Variants in SLC24A3 observed in about 807,000 individuals in gnomAD.
SLC24A3 encodes solute carrier family 24 member 3, also known as sodium/potassium/calcium exchanger 3.
A neutral mutation model predicts 75.8 loss-of-function variants in SLC24A3; 28 were observed. The observed-to-expected ratio is 0.37, with a 90% CI of 0.27 to 0.51. SLC24A3 has a LOEUF of 0.51. Ranked by LOEUF, SLC24A3 falls within the 20% of genes least tolerant of loss-of-function variation. The pLI, the probability that SLC24A3 is intolerant of heterozygous loss-of-function variation, is 0.94. For missense variants in SLC24A3, 663 were observed against 847.8 expected (o/e 0.78, Z 2.71); for synonymous variants, 372 against 334.1 (o/e 1.11, Z -1.24).
chr20:19,714,419 A>C (rs1185816613), intron 15 of SLC24A3, among the ~76,000 whole-genome samples: 2 of 136,172 alleles, frequency 1.5e-5, no homozygotes, highest in African/African-American at 2.8e-5. Context: ...AAAAAAAAAA[A>C]AAAAAAACAA....
At chr20:19,403,926 A>G (rs1352216920) in intron 2 of SLC24A3, among the ~76,000 whole-genome samples, 1 of 152,232 alleles carries the variant, frequency 6.6e-6, no homozygotes, top group Non-Finnish European at 1.5e-5. Flanking sequence ...TAAAATGGGT[A>G]ACCCTCATGA....
At chr20:19,648,117 A>G (rs1452054879) in intron 6 of SLC24A3, among the ~76,000 whole-genome samples, 1 of 152,182 alleles carries the variant, frequency 6.6e-6, no homozygotes, top group Non-Finnish European at 1.5e-5. Flanking sequence ...GAAGTTTTTT[A>G]AAAGTGTACT....
chr20:19,455,309 G>A (rs759813273), intron 2 of SLC24A3, among the ~76,000 whole-genome samples: 45 of 152,118 alleles, frequency 3.0e-4, no homozygotes, highest in Non-Finnish European at 4.7e-4. Context: ...ATCTTATGAC[G>A]TTTATTTCTT....
chr20:19,551,277 G>T (rs190229161), intron 3 of SLC24A3, among the ~76,000 whole-genome samples: 89 of 152,300 alleles, frequency 5.8e-4, no homozygotes, highest in African/African-American at 2.1e-3. Context: ...AGAATGGAAT[G>T]CATGAATTTG....
intron 2 of SLC24A3, among the ~76,000 whole-genome samples, chr20:19,427,183 G>A (rs1422890214): frequency 6.6e-6 from 1 of 152,238 alleles, no homozygotes; most frequent in South Asian, 2.1e-4. Context: ...TGGAGTTTGG[G>A]AAGCAGATGC....
Position 19,452,196 on chromosome 20 carries a change from G to A in SLC24A3, c.272-63292G>A, listed in dbSNP as rs143525804. 2.6e-4 allele frequency among the ~76,000 whole-genome samples: 39 copies of A among 152,300 alleles called. No individual in the cohort carries two copies. In the East Asian group the frequency reaches 6.0e-3, roughly 23 times the overall value. ...ACATTTGAGAAGCCAAGAGGAAGAC[G>A]TGGTATACTTTTTAAAGAACAGGGC... is the stretch of plus-strand genomic sequence containing the variant. On this transcript the variant is annotated intron_variant, in intron 2 of 16. Transcript: ENST00000328041.
At chr20:19,529,329 G>T (rs985637837) in intron 3 of SLC24A3, among the ~76,000 whole-genome samples, 2 of 152,154 alleles carry the variant, frequency 1.3e-5, no homozygotes, top group Non-Finnish European at 2.9e-5. Context: ...CATTCTCCTT[G>T]CAAACCTGTT....
intron 8 of SLC24A3, among the ~76,000 whole-genome samples, chr20:19,671,983 A>C (rs1228233600): frequency 6.6e-6 from 1 of 152,142 alleles, no homozygotes; most frequent in Admixed American, 6.5e-5. Flanking sequence ...CTCGGCAGTC[A>C]GAAGAGAGGG....
chr20:19,291,382 G>A (rs1354530643), intron 2 of SLC24A3, among the ~76,000 whole-genome samples: 3 of 152,212 alleles, frequency 2.0e-5, no homozygotes, highest in South Asian at 2.1e-4. Context: ...ACACCAGTGA[G>A]TGCGCTTTGG....
At chr20:19,505,230 A>T (rs984384423) in intron 2 of SLC24A3, among the ~76,000 whole-genome samples, 3 of 152,182 alleles carry the variant, frequency 2.0e-5, no homozygotes, top group African/African-American at 4.8e-5. Flanking sequence ...ATGATGTTGG[A>T]TCAACTTCAG....
At chr20:19,548,329 C>T (rs999106963) in intron 3 of SLC24A3, among the ~76,000 whole-genome samples, 1 of 152,074 alleles carries the variant, frequency 6.6e-6, no homozygotes, top group Non-Finnish European at 1.5e-5. Flanking sequence ...AAATAATGGC[C>T]CTGGAAAATC....
intron 2 of SLC24A3, among the ~76,000 whole-genome samples, chr20:19,337,273 C>T (rs1204675119): frequency 1.3e-5 from 2 of 152,014 alleles, no homozygotes; most frequent in East Asian, 1.9e-4. Flanking sequence ...GGAGAAACCT[C>T]GTCTTTACTA....
rs935300890 is a variant in SLC24A3, at chr20:19,527,739, C to A, written c.348+12175C>A. ...TCACAGTTTAAGAGTGACTCAGAGCCCTTTCTGAACATTTGCACAAAGACA... is the reference window on the plus strand; with the variant it reads ...TCACAGTTTAAGAGTGACTCAGAGCACTTTCTGAACATTTGCACAAAGACA... On this transcript the variant is annotated intron_variant, in intron 3 of 16. Coordinates refer to ENST00000328041, the MANE Select transcript of SLC24A3 (RefSeq NM_020689.4). 1.7e-4 allele frequency among the ~76,000 whole-genome samples: 26 copies of A among 152,154 alleles called. 1 individual carries two copies. Among genetic ancestry groups the A allele is most frequent in the Admixed American group, 4.6e-4 (7 of 15,274 alleles).
At chr20:19,307,590 C>A (rs181970325) in intron 2 of SLC24A3, among the ~76,000 whole-genome samples, 1 of 151,746 alleles carries the variant, frequency 6.6e-6, no homozygotes, top group Non-Finnish European at 1.5e-5. Flanking sequence ...CATCACACAC[C>A]GGGGCCTGTT....
At chr20:19,489,618 C>CCAGTATAT (rs1988177150) in intron 2 of SLC24A3, among the ~76,000 whole-genome samples, 1 of 152,138 alleles carries the variant, frequency 6.6e-6, no homozygotes, top group South Asian at 2.1e-4. Context: ...TTGGGACATT[C>CCAGTATAT]CAGTATATGA....
rs1480919470 is a variant in SLC24A3 at position 19,696,567 on chromosome 20, C to T, written c.1492-230C>T. On this transcript the variant is annotated intron_variant, in intron 13 of 16. Transcript: ENST00000328041. Reference sequence around the variant, plus strand: ...ACCGGAAGAGAACAAGTGAAAAGGCCAATGTTTTGTTGGAAAGTTTGGGTC... The same window carrying T: ...ACCGGAAGAGAACAAGTGAAAAGGCTAATGTTTTGTTGGAAAGTTTGGGTC... 3.2e-5 allele frequency: 14 copies of T among 435,110 alleles called. No homozygotes were observed. In the East Asian group the frequency reaches 4.6e-4, roughly 14 times the overall value. The allele number at this position is 435,110 out of a possible 1,614,324, so 27.0% of individuals were successfully genotyped here. A position where few individuals can be genotyped will look rare whatever the true frequency, so the allele number is the denominator to read the frequency against.
At chr20:19,305,664 T>TA (rs1242338862) in intron 2 of SLC24A3, among the ~76,000 whole-genome samples, 2 of 152,114 alleles carry the variant, frequency 1.3e-5, no homozygotes, top group Non-Finnish European at 2.9e-5. Flanking sequence ...AAGGACTCCT[T>TA]ACGCGATAAA....
rs926356791 is a variant in SLC24A3, at chr20:19,618,927, C to A, written c.612+33383C>A. Among the ~76,000 whole-genome samples, 8 of 152,264 alleles carry A rather than the reference C, an allele frequency of 5.3e-5. 1 individual carries two copies. In the South Asian group the frequency reaches 1.7e-3, roughly 32 times the overall value. On this transcript the variant is annotated intron_variant, in intron 6 of 16. Coordinates refer to ENST00000328041, the MANE Select transcript of SLC24A3 (RefSeq NM_020689.4). ...TTATTTTTACTGTTGGAAAGTGCTG[C>A]GTTGTTCAGATTCCCACAAACCAAA... is the stretch of plus-strand genomic sequence containing the variant.
At chr20:19,227,926 T>C (rs1305346625) in intron 1 of SLC24A3, among the ~76,000 whole-genome samples, 5 of 152,218 alleles carry the variant, frequency 3.3e-5, no homozygotes, top group African/African-American at 4.8e-5. Context: ...AAATAATTTA[T>C]GGAAAAATGG....
Sources: gnomAD v4.1 joint callset for allele counts (sites outside exome capture counted in the v4.1 genomes callset) on GRCh38, gnomAD v4.1.1 for gene constraint, MANE v1.5 for transcripts, NCBI Gene and HGNC (gene_info 2026-07-23, HGNC 2026-07-21) for gene names.